The following APOL6 variants were observed in gnomAD, a reference collection of about 807,000 sequenced individuals.
APOL6 encodes the protein apolipoprotein L6.
Under a neutral mutation model 2.4 loss-of-function variants are expected in APOL6, and 1 was observed. That is an observed-to-expected ratio of 0.41 (90% CI 0.15 to 1.94). The LOEUF is 1.94. APOL6 is among the 30% of genes most tolerant of loss of function. APOL6 has a pLI of 0.30. For synonymous variants in APOL6, 189 were observed against 169.3 expected (o/e 1.12, Z -0.90); for missense variants, 438 against 429.2 (o/e 1.02, Z -0.18).
chr22:35,667,795 T>C lies in APOL6; in HGVS notation c.*8199T>C, dbSNP rs1389655922. On this transcript the variant is annotated 3_prime_UTR_variant, in exon 3 of 3. Coordinates refer to ENST00000409652, the MANE Select transcript of APOL6 (RefSeq NM_030641.4). ...AGTGTTTTTGGTGTTGTTTTATTTT[T>C]TTTCTTACAGGAACTCTTGCAAGAA... 1.3e-5 allele frequency: 2 copies of C among 152,240 alleles called. No homozygotes were observed. Among genetic ancestry groups the C allele is most frequent in the African/African-American group, 4.8e-5 (2 of 41,470 alleles). 9.4% of individuals were successfully genotyped at this position (152,240 alleles called of 1,614,324 possible). A position where few individuals can be genotyped will look rare whatever the true frequency, so the allele number is the denominator to read the frequency against.
In APOL6 at chr22:35,663,104, T is replaced by A. The variant is rs1317684338; in HGVS notation, c.*3508T>A. 6.6e-6 allele frequency: 1 copy of A among 152,230 alleles called. No individual in the cohort carries two copies. The highest frequency in any genetic ancestry group is 2.1e-4 in the South Asian group (1 of 4,834). 9.4% of individuals were successfully genotyped at this position (152,230 alleles called of 1,614,324 possible). A position where few individuals can be genotyped will look rare whatever the true frequency, so the allele number is the denominator to read the frequency against. On this transcript the variant is annotated 3_prime_UTR_variant, in exon 3 of 3. Coordinates refer to ENST00000409652, the MANE Select transcript of APOL6 (RefSeq NM_030641.4). Reference sequence around the variant, plus strand: ...TTGTGTGACCATTGTTAGTTTTGCTTAACTGTTTTGTTGTTTGTTTCTGTC... The same window carrying A: ...TTGTGTGACCATTGTTAGTTTTGCTAAACTGTTTTGTTGTTTGTTTCTGTC...
At chr22:35,652,831 G>C (rs1376638330) in intron 1 of APOL6, among the ~76,000 whole-genome samples, 5 of 152,178 alleles carry the variant, frequency 3.3e-5, no homozygotes, top group Non-Finnish European at 7.4e-5. Context: ...CAGGTAGCGT[G>C]ATGTCTCCAG....
chr22:35,660,848 A>C lies in APOL6; in HGVS notation c.*1252A>C, dbSNP rs185866777. 3 of 152,244 alleles carry C rather than the reference A, an allele frequency of 2.0e-5. No individual in the cohort carries two copies. Among genetic ancestry groups the C allele is most frequent in the African/African-American group, 7.2e-5 (3 of 41,464 alleles). 9.4% of individuals were successfully genotyped at this position (152,244 alleles called of 1,614,324 possible). On this transcript the variant is annotated 3_prime_UTR_variant, in exon 3 of 3. Transcript: ENST00000409652. ...CTACCAAAAGGCTCCACTTCTTTAT[A>C]CTATTGGAGGGGTAGAAGGAACTTC...
Position 35,659,947 on chromosome 22 carries a change from T to A in APOL6, c.*351T>A, listed in dbSNP as rs59358831. On this transcript the variant is annotated 3_prime_UTR_variant, in exon 3 of 3. Transcript: ENST00000409652. ...CGCCCAGCTAATTTTGGTATTTTTT[T>A]GTAGAGACAGGGTTTCACCATTTTG... 16,904 of 209,540 alleles carry A rather than the reference T, an allele frequency of 0.081. 1,091 individuals carry two copies. The highest frequency in any genetic ancestry group is 0.19 in the East Asian group (1,742 of 9,240). 13.0% of individuals were successfully genotyped at this position (209,540 alleles called of 1,614,324 possible). A position where few individuals can be genotyped will look rare whatever the true frequency, so the allele number is the denominator to read the frequency against.
At chr22:35,655,145 C>T (rs1540296) in intron 1 of APOL6, among the ~76,000 whole-genome samples, 11,910 of 152,148 alleles carry the variant, frequency 0.078, 974 homozygotes, top group African/African-American at 0.21. Context: ...CAGGGAGTTC[C>T]AAGCCACTCC....
At position 35,661,772 on chromosome 22, in the gene APOL6, G is replaced by C. The variant is rs543684907; in HGVS notation, c.*2176G>C. On this transcript the variant is annotated 3_prime_UTR_variant, in exon 3 of 3. Transcript: ENST00000409652. The stretch of plus-strand genomic sequence containing the variant: ...CAGTGAGTGGTGAATGAATGTGAAG[G>C]CCTAGGGCATTACTGTATACTACTG... 6.6e-6 allele frequency: 1 copy of C among 152,122 alleles called. No individual in the cohort carries two copies. The highest frequency in any genetic ancestry group is 1.9e-4 in the East Asian group (1 of 5,182). The allele number at this position is 152,122 out of a possible 1,614,324, so 9.4% of individuals were successfully genotyped here.
In APOL6 at chr22:35,659,851, T is replaced by C; in HGVS notation, c.*255T>C. 2.0e-6 allele frequency: 1 copy of C among 497,122 alleles called. No individual in the cohort carries two copies. Among genetic ancestry groups the C allele is most frequent in the Non-Finnish European group, 3.5e-6 (1 of 289,088 alleles). 30.8% of individuals were successfully genotyped at this position (497,122 alleles called of 1,614,324 possible). Reference sequence around the variant, plus strand: ...CGTAATCTCGGCTCACTGCAACCTCTGCCTCCTGAGTGCAAGCAAGTCTCC... The same window carrying C: ...CGTAATCTCGGCTCACTGCAACCTCCGCCTCCTGAGTGCAAGCAAGTCTCC... On this transcript the variant is annotated 3_prime_UTR_variant, in exon 3 of 3. Transcript: ENST00000409652.
intron 1 of APOL6, among the ~76,000 whole-genome samples, chr22:35,649,526 G>A (rs1924633162): frequency 6.6e-6 from 1 of 152,018 alleles, no homozygotes; most frequent in Admixed American, 6.6e-5. Context: ...TGTATCTGCA[G>A]AAGTTGGTTT....
chr22:35,656,552 ACATGTG>A (rs1366795601), intron 2 of APOL6, 77 bp downstream of exon 2: 1 of 1,534,948 alleles, frequency 6.5e-7, no homozygotes, highest in East Asian at 2.3e-5. Context: ...GATAAGGAAT[ACATGTG>A]CTCTGATAGG....
rs1250463379 is a variant in APOL6 at position 35,658,751 on chromosome 22, C to T, written c.187C>T (p.Leu63Phe). The T allele has an allele frequency of 6.2e-7, 1 of 1,614,058 alleles. No homozygotes were observed. ...LKGNIDKLRA[L>F]ADDIDKTHKK... Reference sequence around the variant, plus strand: ...AGGGAACATTGACAAGCTCCGTGCCCTCGCAGACGATATTGACAAAACCCA... The same window carrying T: ...AGGGAACATTGACAAGCTCCGTGCCTTCGCAGACGATATTGACAAAACCCA... Residue 63 changes from leucine to phenylalanine, a missense_variant, in exon 3 of 3, where the codon CTC (leucine) becomes TTC (phenylalanine). Leu to Phe is a conservative substitution (Grantham distance 22). Coordinates refer to ENST00000409652, the MANE Select transcript of APOL6 (RefSeq NM_030641.4).
chr22:35,652,192 T>C (rs1924715186), intron 1 of APOL6, among the ~76,000 whole-genome samples: 1 of 152,310 alleles, frequency 6.6e-6, no homozygotes, highest in Middle Eastern at 3.4e-3. Context: ...TGCATAAATG[T>C]CTTGTTTTGA....
In APOL6 at chr22:35,660,210, G is replaced by C. The variant is rs1401897215; in HGVS notation, c.*614G>C. ...GATGGACCCTTTGGGAGGTAATTAGGGTTGACTGAGGCCATAGGGTGAGGT... is the reference window on the plus strand; with the variant it reads ...GATGGACCCTTTGGGAGGTAATTAGCGTTGACTGAGGCCATAGGGTGAGGT... On this transcript the variant is annotated 3_prime_UTR_variant, in exon 3 of 3. Coordinates refer to ENST00000409652, the MANE Select transcript of APOL6 (RefSeq NM_030641.4). 6.5e-6 allele frequency: 1 copy of C among 153,956 alleles called. No individual in the cohort carries two copies. Among genetic ancestry groups the C allele is most frequent in the African/African-American group, 2.4e-5 (1 of 41,444 alleles). 9.5% of individuals were successfully genotyped at this position (153,956 alleles called of 1,614,324 possible).
rs556061426 is a variant in APOL6 at position 35,666,265 on chromosome 22, T to A, written c.*6669T>A. On this transcript the variant is annotated 3_prime_UTR_variant, in exon 3 of 3. Transcript: ENST00000409652. Reference sequence around the variant, plus strand: ...ACAATTGTTGTTTTGGTCCTCTTTTTTAAATATATTTTTATTATTATTTTT... The same window carrying A: ...ACAATTGTTGTTTTGGTCCTCTTTTATAAATATATTTTTATTATTATTTTT... 1 of 152,294 alleles carries A rather than the reference T, an allele frequency of 6.6e-6. No individual in the cohort carries two copies. The highest frequency in any genetic ancestry group is 1.9e-4 in the East Asian group (1 of 5,186). 9.4% of individuals were successfully genotyped at this position (152,294 alleles called of 1,614,324 possible).
chr22:35,657,515 A>G (rs922021900), intron 2 of APOL6, among the ~76,000 whole-genome samples: 8 of 152,198 alleles, frequency 5.3e-5, no homozygotes, highest in African/African-American at 1.7e-4. Context: ...ATATACTTCA[A>G]TGAGGAGGCC....
At chr22:35,658,556 C>G in intron 2 of APOL6, 59 bp from the exon 3 acceptor site, 1 of 1,439,102 alleles carries the variant, frequency 6.9e-7, no homozygotes, top group Non-Finnish European at 9.4e-7. Context: ...TATCCAAGAG[C>G]CACATGGGTT....
chr22:35,656,276 GGTT>G, intron 1 of APOL6, 100 bp from the exon 2 acceptor site: 1 of 841,858 alleles, frequency 1.2e-6, no homozygotes, highest in African/African-American at 1.7e-5. Context: ...TATGCTATGT[GGTT>G]GTTATTTTGA....
Position 35,664,196 on chromosome 22 carries a change from A to G in APOL6, c.*4600A>G. 6.6e-6 allele frequency: 1 copy of G among 152,216 alleles called. No homozygotes were observed. Among genetic ancestry groups the G allele is most frequent in the East Asian group, 1.9e-4 (1 of 5,198 alleles). The allele number at this position is 152,216 out of a possible 1,614,324, so 9.4% of individuals were successfully genotyped here. On this transcript the variant is annotated 3_prime_UTR_variant, in exon 3 of 3. Transcript: ENST00000409652. ...TTTATACTTATCCCTGCCAAATACC[A>G]GAAGGTGTCAAAATTTGGCATAGGG...
At chr22:35,656,317 C>A in intron 1 of APOL6, 62 bp from the exon 2 acceptor site, 1 of 1,316,904 alleles carries the variant, frequency 7.6e-7, no homozygotes, top group Non-Finnish European at 1.1e-6. Context: ...TCCCTCCACA[C>A]CTGAATTTCA....
rs1352854937 is a variant in APOL6, at chr22:35,663,634, C to T, written c.*4038C>T. 2.0e-5 allele frequency: 3 copies of T among 150,718 alleles called. No individual in the cohort carries two copies. Among genetic ancestry groups the T allele is most frequent in the Admixed American group, 1.3e-4 (2 of 15,048 alleles). The allele number at this position is 150,718 out of a possible 1,614,324, so 9.3% of individuals were successfully genotyped here. A position where few individuals can be genotyped will look rare whatever the true frequency, so the allele number is the denominator to read the frequency against. The stretch of plus-strand genomic sequence containing the variant: ...CTTGGGTTAAGGAAGAATGTAGTTT[C>T]GTTTTATGTTTAATATCGCTCAAAG... On this transcript the variant is annotated 3_prime_UTR_variant, in exon 3 of 3. Transcript: ENST00000409652.
Sources: gnomAD v4.1 joint callset for allele counts (sites outside exome capture counted in the v4.1 genomes callset) on GRCh38, gnomAD v4.1.1 for gene constraint, MANE v1.5 for transcripts, NCBI Gene and HGNC (gene_info 2026-07-23, HGNC 2026-07-21) for gene names.